Variants in NSUN2 observed in about 807,000 individuals in gnomAD.
NSUN2 encodes the protein RNA cytosine C(5)-methyltransferase NSUN2.
NSUN2 carries 63 observed loss-of-function variants against 92.7 expected under a neutral mutation model. The ratio of observed to expected loss-of-function variants is 0.68; its 90% confidence interval spans 0.56 to 0.84. The LOEUF is 0.84. Ranked by LOEUF, NSUN2 falls within the 40% of genes least tolerant of loss-of-function variation. The pLI, the probability that NSUN2 is intolerant of heterozygous loss-of-function variation, is 0.00. For synonymous variants in NSUN2, 356 were observed against 348.3 expected, an observed-to-expected ratio of 1.02 and a Z score of -0.25; for missense variants, 989 against 964.9, an observed-to-expected ratio of 1.02 and a Z score of -0.33.
At chr5:6,610,217 C>G (rs965752786) in intron 11 of NSUN2, among the ~76,000 whole-genome samples, 3 of 152,042 alleles carry the variant, frequency 2.0e-5, no homozygotes, top group Non-Finnish European at 4.4e-5. Flanking sequence ...GCATGCAACA[C>G]ACTGCCTGGC....
intron 18 of NSUN2, among the ~76,000 whole-genome samples, chr5:6,600,451 G>T (rs190758042): frequency 6.6e-6 from 1 of 151,892 alleles, no homozygotes; most frequent in Non-Finnish European, 1.5e-5. Context: ...CCTCGCTTTC[G>T]CCCTGCCTCT....
rs149296511 is a variant in NSUN2, at chr5:6,616,835, G to A, written c.913C>T (p.Arg305Cys). 56 of 1,613,526 alleles carry A rather than the reference G, an allele frequency of 3.5e-5. No homozygotes were observed. Among genetic ancestry groups the A allele is most frequent in the African/African-American group, 2.0e-4 (15 of 74,912 alleles). Residue 305 changes from arginine to cysteine, a missense_variant, in exon 9 of 19, where the codon CGC becomes TGC. Physicochemically the swap from Arg to Cys is radical, Grantham distance 180. Around this residue, in one of 3 missense-constraint regions of NSUN2, gnomAD observed 626 missense variants for 602.3 expected, o/e 1.04. Transcript: ENST00000264670. The stretch of plus-strand genomic sequence containing the variant: ...CCTTCAGCCAGCTGTTCAGCCCCGC[G>A]TGTTGCAATCCGCAGCTGTAAGCTA... The part of the protein sequence containing the change: ...LHGLQLRIAT[R>C]GAEQLAEGGR...
intron 1 of NSUN2, 23 bp from the exon 2 acceptor site, chr5:6,632,779 A>G (rs773920161): frequency 6.2e-7 from 1 of 1,608,120 alleles, no homozygotes. Context: ...AGAGACGTCT[A>G]CCCCGAGGCC....
rs188199541 is a variant in NSUN2 at position 6,617,006 on chromosome 5, A to G, written c.891-149T>C. 1.7e-5 allele frequency: 10 copies of G among 580,156 alleles called. No individual in the cohort carries two copies. In the East Asian group the frequency reaches 2.8e-4, roughly 16 times the overall value. The allele number at this position is 580,156 out of a possible 1,614,324, so 35.9% of individuals were successfully genotyped here. A position where few individuals can be genotyped will look rare whatever the true frequency, so the allele number is the denominator to read the frequency against. ...CTTCCAGGGATCTAAATGAAGTTAGAGTAAACTTATATAAAGTGTTTCATG... is the reference window on the plus strand; with the variant it reads ...CTTCCAGGGATCTAAATGAAGTTAGGGTAAACTTATATAAAGTGTTTCATG... On this transcript the variant is annotated intron_variant, in intron 8 of 18. Transcript: ENST00000264670.
At position 6,600,146 on chromosome 5, in the gene NSUN2, C is replaced by T. The variant is rs761905973; in HGVS notation, c.2084G>A (p.Arg695Gln). 16 of 1,614,034 alleles carry T rather than the reference C, an allele frequency of 9.9e-6. No individual in the cohort carries two copies. Among genetic ancestry groups the T allele is most frequent in the Middle Eastern group, 1.6e-4 (1 of 6,084 alleles). Residue 695 changes from arginine to glutamine, a missense_variant, in exon 19 of 19, where the codon CGG (arginine) becomes CAG (glutamine). This residue lies in a region of NSUN2 where 626 missense variants were observed against 602.3 expected (regional missense o/e 1.04). Transcript: ENST00000264670. Reference sequence around the variant, plus strand: ...CCCCATCATCCTGAGATAATGAAGCCGTTCATTCTTGGGCACAAAAGTTCG... The same window carrying T: ...CCCCATCATCCTGAGATAATGAAGCTGTTCATTCTTGGGCACAAAAGTTCG... ...SIRTFVPKNE[R>Q]LHYLRMMGLE... is the part of the protein sequence containing the mutation.
chr5:6,610,671 G>GCTCTCAC (rs1736949011), intron 11 of NSUN2, among the ~76,000 whole-genome samples: 1 of 137,694 alleles, frequency 7.3e-6, no homozygotes, highest in Non-Finnish European at 1.6e-5. Flanking sequence ...ATGACAGAGT[G>GCTCTCAC]AGACTCTCTC....
chr5:6,620,611 G>A (rs1737397331), intron 6 of NSUN2: 1 of 210,518 alleles, frequency 4.8e-6, no homozygotes, highest in African/African-American at 2.3e-5. Flanking sequence ...AAAAAAAGAT[G>A]AGGAGAAAGG....
chr5:6,614,049 T>C (rs1737108419), intron 9 of NSUN2, among the ~76,000 whole-genome samples: 1 of 130,148 alleles, frequency 7.7e-6, no homozygotes, highest in Non-Finnish European at 1.5e-5. Context: ...TGAGCCGAGA[T>C]GGCGCCACTG....
chr5:6,620,584 T>C, intron 6 of NSUN2: 2 of 270,460 alleles, frequency 7.4e-6, no homozygotes, highest in South Asian at 1.5e-4. Flanking sequence ...CTGTTATTAG[T>C]AACGATTAAC....
chr5:6,632,509 C>T (rs766726324), intron 2 of NSUN2, 90 bp downstream of exon 2: 18 of 1,443,012 alleles, frequency 1.2e-5, no homozygotes, highest in Non-Finnish European at 1.7e-5. Flanking sequence ...GGTTCTCTGG[C>T]ACTGTAACAC....
intron 15 of NSUN2, 48 bp from the exon 16 acceptor site, chr5:6,604,733 C>T: frequency 1.3e-6 from 2 of 1,483,378 alleles, no homozygotes; most frequent in Non-Finnish European, 1.9e-6. Flanking sequence ...AAGACAGGAC[C>T]ATCTCCTGTA....
At chr5:6,624,371 G>C (rs931229807) in intron 4 of NSUN2, among the ~76,000 whole-genome samples, 2 of 152,112 alleles carry the variant, frequency 1.3e-5, no homozygotes, top group African/African-American at 4.8e-5. Flanking sequence ...TTCATCTCAA[G>C]AGCTCTCATC....
At chr5:6,626,655 G>C (rs1311827257) in intron 3 of NSUN2, among the ~76,000 whole-genome samples, 1 of 152,202 alleles carries the variant, frequency 6.6e-6, no homozygotes, top group African/African-American at 2.4e-5. Flanking sequence ...CACCCAGGAT[G>C]TGCTTTGAAA....
chr5:6,615,017 G>C (rs1737152079), intron 9 of NSUN2, among the ~76,000 whole-genome samples: 1 of 152,108 alleles, frequency 6.6e-6, no homozygotes, highest in African/African-American at 2.4e-5. Context: ...AGACTTAGGA[G>C]AGTAGCAAAT....
rs540463024 is a variant in NSUN2 at position 6,628,972 on chromosome 5, G to A, written c.359+2901C>T. On this transcript the variant is annotated intron_variant, in intron 3 of 18. Coordinates refer to ENST00000264670, the MANE Select transcript of NSUN2 (RefSeq NM_017755.6). The stretch of plus-strand genomic sequence containing the variant: ...AGGTGGGAGGATCACTTGAGCCTAG[G>A]AGGTCAAGGCTGCAGTGAACCGTCA... 6.6e-4 allele frequency among the ~76,000 whole-genome samples: 101 copies of A among 152,318 alleles called. No homozygotes were observed. The Middle Eastern group carries it at 0.01, about 15-fold the overall frequency.
At chr5:6,610,684 A>C (rs63308061) in intron 11 of NSUN2, among the ~76,000 whole-genome samples, 6 of 28,148 alleles carry the variant, frequency 2.1e-4, no homozygotes, top group South Asian at 1.6e-3. Flanking sequence ...ACTCTCTCTC[A>C]AAAAAAAAAA....
At chr5:6,606,131 T>C (rs968880476) in intron 14 of NSUN2, among the ~76,000 whole-genome samples, 5 of 152,262 alleles carry the variant, frequency 3.3e-5, no homozygotes, top group African/African-American at 1.2e-4. Context: ...CTCTATATTC[T>C]GTCTATGTCA....
chr5:6,613,799 A>C (rs1394135384), intron 9 of NSUN2, among the ~76,000 whole-genome samples: 1 of 152,172 alleles, frequency 6.6e-6, no homozygotes, highest in African/African-American at 2.4e-5. Flanking sequence ...CTGGGCTTTC[A>C]AAAGAAAGCC....
At chr5:6,602,103 G>GA (rs1335962138) in intron 18 of NSUN2, among the ~76,000 whole-genome samples, 1 of 152,220 alleles carries the variant, frequency 6.6e-6, no homozygotes, top group African/African-American at 2.4e-5. Context: ...ACACATGGCT[G>GA]AACCAGCCAT....
Sources: gnomAD v4.1 joint callset for allele counts (sites outside exome capture counted in the v4.1 genomes callset) on GRCh38, gnomAD v4.1.1 for gene constraint, gnomAD v4.1.1 regional missense constraint, MANE v1.5 for transcripts, NCBI Gene and HGNC (gene_info 2026-07-23, HGNC 2026-07-21) for gene names.